The following SDK2 variants were observed in gnomAD, a reference collection of about 807,000 sequenced individuals.
SDK2 encodes sidekick cell adhesion molecule 2.
Under a neutral mutation model 253.9 loss-of-function variants are expected in SDK2, and 105 were observed. The ratio of observed to expected loss-of-function variants is 0.41; its 90% confidence interval spans 0.35 to 0.49. SDK2 has a LOEUF of 0.49. Among genes scored for constraint, SDK2 ranks in the 20% least tolerant of loss-of-function variants. SDK2 has a pLI of 0.06. For synonymous variants in SDK2, 1,249 were observed against 1,234.9 expected (o/e 1.01, Z -0.24); for missense variants, 2,608 against 3,003.0 (o/e 0.87, Z 3.07).
chr17:73,381,087 C>A (rs925118384), intron 33 of SDK2, 137 bp from the exon 34 acceptor site: 10 of 637,356 alleles, frequency 1.6e-5, no homozygotes, highest in Non-Finnish European at 2.9e-5. Flanking sequence ...AAGAGTGTTT[C>A]CAAATTTCCA....
chr17:73,424,303 A>G (rs561637980), intron 12 of SDK2, among the ~76,000 whole-genome samples: 2 of 152,270 alleles, frequency 1.3e-5, no homozygotes, highest in African/African-American at 4.8e-5. Context: ...AGGGTGCAGG[A>G]GAGTGGGAGA....
intron 1 of SDK2, among the ~76,000 whole-genome samples, chr17:73,526,888 G>C (rs2064130207): frequency 6.6e-6 from 1 of 152,230 alleles, no homozygotes; most frequent in African/African-American, 2.4e-5. Flanking sequence ...CCTCAACACA[G>C]AGGATCTCAA....
chr17:73,506,338 T>C (rs1383887850), intron 2 of SDK2, among the ~76,000 whole-genome samples: 2 of 152,122 alleles, frequency 1.3e-5, no homozygotes, highest in Non-Finnish European at 2.9e-5. Context: ...CAGGACCTCT[T>C]GCTTGCTCAT....
chr17:73,375,542 C>T (rs1022065310), intron 36 of SDK2, among the ~76,000 whole-genome samples: 4 of 152,154 alleles, frequency 2.6e-5, no homozygotes, highest in African/African-American at 9.7e-5. Context: ...CCACTGAGCC[C>T]AGCCCTTAAC....
chr17:73,379,359 G>GT lies in SDK2; in HGVS notation c.4865-68_4865-67insA. ...CTGGGAGGGGAGGTGGGCTGGGCGGGATGGGGAGCCCAGATCCCGTTTCTT... is the reference window on the plus strand; with the variant it reads ...CTGGGAGGGGAGGTGGGCTGGGCGGGTATGGGGAGCCCAGATCCCGTTTCTT... On this transcript the variant is annotated intron_variant, in intron 35 of 44. Transcript: ENST00000392650. The surrounding 1 kb of genome is among the most constrained non-coding windows in gnomAD (Gnocchi z 4.5). 1 of 656,582 alleles carries GT rather than the reference G, an allele frequency of 1.5e-6. No homozygotes were observed. The allele number at this position is 656,582 out of a possible 1,614,324, so 40.7% of individuals were successfully genotyped here.
intron 16 of SDK2, among the ~76,000 whole-genome samples, chr17:73,417,073 G>A (rs1002977481): frequency 6.6e-6 from 1 of 152,036 alleles, no homozygotes; most frequent in African/African-American, 2.4e-5. Context: ...GCTAGCAGTA[G>A]GCTATTAGTA....
At chr17:73,356,438 C>G (rs1033964975) in intron 40 of SDK2, among the ~76,000 whole-genome samples, 4 of 152,110 alleles carry the variant, frequency 2.6e-5, no homozygotes, top group African/African-American at 7.2e-5. Flanking sequence ...AATCCCTGGG[C>G]GAACCTCTCC....
In SDK2 at chr17:73,444,138, G is replaced by C. The variant is rs571999056; in HGVS notation, c.614-3215C>G. On this transcript the variant is annotated intron_variant, in intron 5 of 44. Transcript: ENST00000392650. Reference sequence around the variant, plus strand: ...CCTGGAGATTTGCCTGCCTGTGCAGGGAAGAGCTCTCCCTGCTAGCCCTAG... The same window carrying C: ...CCTGGAGATTTGCCTGCCTGTGCAGCGAAGAGCTCTCCCTGCTAGCCCTAG... Among the ~76,000 whole-genome samples, 3 of 152,288 alleles carry C rather than the reference G, an allele frequency of 2.0e-5. No homozygotes were observed. The South Asian group carries it at 6.2e-4, about 32-fold the overall frequency.
chr17:73,525,760 T>C (rs111972221), intron 1 of SDK2, among the ~76,000 whole-genome samples: 1 of 149,666 alleles, frequency 6.7e-6, no homozygotes, highest in African/African-American at 2.5e-5. Flanking sequence ...GGCTCCCCCC[T>C]ACCTTGCCCC....
Position 73,379,619 on chromosome 17 carries a change from A to G in SDK2, c.4763-70T>C. 1 of 936,934 alleles carries G rather than the reference A, an allele frequency of 1.1e-6. No individual in the cohort carries two copies. Among genetic ancestry groups the G allele is most frequent in the Non-Finnish European group, 1.7e-6 (1 of 599,552 alleles). 58.0% of individuals were successfully genotyped at this position (936,934 alleles called of 1,614,324 possible). A position where few individuals can be genotyped will look rare whatever the true frequency, so the allele number is the denominator to read the frequency against. On this transcript the variant is annotated intron_variant, in intron 34 of 44. Transcript: ENST00000392650. The surrounding 1 kb of genome is among the most constrained non-coding windows in gnomAD (Gnocchi z 4.5). ...CATTGCTGGGAAGGTGTCCCCAGGGAGGGTGGAGGCTGCAGGGGGAGGAAT... is the reference window on the plus strand; with the variant it reads ...CATTGCTGGGAAGGTGTCCCCAGGGGGGGTGGAGGCTGCAGGGGGAGGAAT...
intron 36 of SDK2, among the ~76,000 whole-genome samples, chr17:73,372,998 C>T (rs141762778): frequency 2.0e-5 from 3 of 152,300 alleles, no homozygotes; most frequent in East Asian, 3.9e-4. Flanking sequence ...TTCACCGAAA[C>T]GCTGTATCCT....
At chr17:73,406,420 T>G (rs763977760) in intron 18 of SDK2, among the ~76,000 whole-genome samples, 1 of 152,148 alleles carries the variant, frequency 6.6e-6, no homozygotes, top group East Asian at 1.9e-4. Flanking sequence ...ATTTTTTTTT[T>G]TGTATTTTTA....
chr17:73,394,038 C>A (rs1193878630), intron 26 of SDK2, among the ~76,000 whole-genome samples, 171 bp downstream of exon 26: 1 of 152,188 alleles, frequency 6.6e-6, no homozygotes, highest in Non-Finnish European at 1.5e-5. Context: ...TCCTCACCCA[C>A]AAGGGATGAC....
At chr17:73,404,245 T>C (rs1292041866) in intron 18 of SDK2, among the ~76,000 whole-genome samples, 3 of 152,116 alleles carry the variant, frequency 2.0e-5, no homozygotes, top group Non-Finnish European at 4.4e-5. Flanking sequence ...TTTCAAAATA[T>C]TTACTCTGGG....
intron 1 of SDK2, among the ~76,000 whole-genome samples, chr17:73,544,562 G>A (rs543256481): frequency 6.6e-6 from 1 of 152,310 alleles, no homozygotes; most frequent in Admixed American, 6.5e-5. Context: ...GGATGAATAT[G>A]TGTATGTATG....
intron 1 of SDK2, among the ~76,000 whole-genome samples, chr17:73,508,590 G>A (rs942778224): frequency 6.6e-6 from 1 of 152,216 alleles, no homozygotes; most frequent in Non-Finnish European, 1.5e-5. Context: ...GCTCTGTTCC[G>A]GGCTGTTCTA....
intron 2 of SDK2, among the ~76,000 whole-genome samples, chr17:73,490,734 C>T (rs1209579097): frequency 2.0e-5 from 3 of 151,666 alleles, no homozygotes; most frequent in Non-Finnish European, 4.4e-5. Flanking sequence ...CCATGTTGTC[C>T]ATGCTGGTCT....
chr17:73,641,607 A>G (rs1039684069), intron 1 of SDK2, among the ~76,000 whole-genome samples: 5 of 151,666 alleles, frequency 3.3e-5, no homozygotes, highest in Non-Finnish European at 7.4e-5. Flanking sequence ...AAAAAAACCA[A>G]CCAGGCTAGG....
At chr17:73,572,023 C>A (rs1379516058) in intron 1 of SDK2, among the ~76,000 whole-genome samples, 1 of 152,220 alleles carries the variant, frequency 6.6e-6, no homozygotes, top group Non-Finnish European at 1.5e-5. Flanking sequence ...AGAGACTCCC[C>A]TCCTCCCTAT....
Sources: gnomAD v4.1 joint callset for allele counts (sites outside exome capture counted in the v4.1 genomes callset) on GRCh38, gnomAD v4.1.1 for gene constraint, Gnocchi (gnomAD v3.1) non-coding constraint, MANE v1.5 for transcripts, NCBI Gene and HGNC (gene_info 2026-07-23, HGNC 2026-07-21) for gene names.